SP7: variants seen among roughly 807,000 people sequenced by gnomAD.
The protein encoded by SP7 is Sp7 transcription factor, also known as transcription factor Sp7.
In SP7, 13 loss-of-function variants were observed where a neutral mutation model predicts 27.9. The observed-to-expected ratio is 0.47, with a 90% CI of 0.30 to 0.74. The LOEUF (loss-of-function observed/expected upper bound fraction) is 0.74, where lower values mean the gene tolerates loss of function less well. Among genes scored for constraint, SP7 ranks in the 30% least tolerant of loss-of-function variants. SP7 has a pLI of 0.06. For missense variants in SP7, 525 were observed against 558.0 expected (o/e 0.94, Z 0.60); for synonymous variants, 219 against 226.7 (o/e 0.97, Z 0.31).
At chr12:53,337,969 AAACAACAAC>A (rs572212743), upstream of SP7, among the ~76,000 whole-genome samples, 1 of 152,028 alleles carries the variant, frequency 6.6e-6, no homozygotes, top group Admixed American at 6.6e-5. Flanking sequence ...GTGTGGCTTT[AAACAACAAC>A]AACAACAACA....
chr12:53,335,700 CGGGGGGTGG>C lies in SP7; in HGVS notation c.-47-16_-47-8del. ...GCCAGGCAGATGGAGAGAGCTGAGC[CGGGGGGTGG>C]GGGGGGTAGAGAGAGAAAAGGGAGA... On this transcript the variant is annotated splice_polypyrimidine_tract_variant and splice_region_variant and intron_variant, in intron 1 of 2. Transcript: ENST00000536324. 7.3e-4 allele frequency: 84 copies of C among 115,156 alleles called. No homozygotes were observed. The highest frequency in any genetic ancestry group is 1.1e-3 in the African/African-American group (4 of 3,718). The allele number at this position is 115,156 out of a possible 1,614,324, so 7.1% of individuals were successfully genotyped here.
chr12:53,328,722 T>A lies in SP7; in HGVS notation c.720A>T (p.Leu240=), dbSNP rs775975685. The A allele has an allele frequency of 2.5e-6, 4 of 1,606,486 alleles. No homozygotes were observed. The Admixed American group carries it at 6.7e-5, about 27-fold the overall frequency. ...KPKAVGNSGQ[L]EGSGGAKPPR... Reference sequence around the variant, plus strand: ...GGGGTTTGGCTCCACCACTCCCTTCTAGCTGCCCACTATTTCCCACTGCCT... The same window carrying A: ...GGGGTTTGGCTCCACCACTCCCTTCAAGCTGCCCACTATTTCCCACTGCCT... The change falls in exon 3 of 3, where the codon CTA becomes CTT. Residue 240 remains leucine (L), a synonymous_variant. Transcript: ENST00000536324. This position sits in a 1 kb window ranked among gnomAD's most constrained non-coding sequence, Gnocchi z 5.1.
chr12:53,338,106 C>CAGAGGAGGAGGAGGAGGA (rs767126357), upstream of SP7, among the ~76,000 whole-genome samples: 140 of 136,290 alleles, frequency 1.0e-3, no homozygotes, highest in Non-Finnish European at 1.6e-3. Flanking sequence ...TAGCCAGGTC[C>CAGAGGAGGAGGAGGAGGA]GGAGGAGGAG....
chr12:53,331,005 G>A (rs531091909), intron 2 of SP7, among the ~76,000 whole-genome samples: 1 of 152,290 alleles, frequency 6.6e-6, no homozygotes, highest in East Asian at 1.9e-4. Context: ...CCTTTGAGAG[G>A]GCTGTAAGAG....
chr12:53,337,674 C>T (rs1479024955), upstream of SP7, among the ~76,000 whole-genome samples: 1 of 152,134 alleles, frequency 6.6e-6, no homozygotes, highest in African/African-American at 2.4e-5. Context: ...TGGGAGGTGG[C>T]AGGAGCAGAT....
rs1944843892 is a variant in SP7 at position 53,344,094 on chromosome 12, A to T, written c.-34+1020T>A. On this transcript the variant is annotated intron_variant, in intron 1 of 1. Transcript: ENST00000547755. The surrounding 1 kb of genome is among the most constrained non-coding windows in gnomAD (Gnocchi z 4.6). ...ATAAGTCAATGAAGGGGTGATATTG[A>T]GGATGTGAGGTGGAGAGGATTTGGT... 6.6e-6 allele frequency among the ~76,000 whole-genome samples: 1 copy of T among 152,070 alleles called. No individual in the cohort carries two copies. The highest frequency in any genetic ancestry group is 2.4e-5 in the African/African-American group (1 of 41,398).
At chr12:53,334,883 G>A (rs963690221) in intron 2 of SP7, among the ~76,000 whole-genome samples, 20 of 152,260 alleles carry the variant, frequency 1.3e-4, no homozygotes, top group African/African-American at 4.8e-4. Flanking sequence ...GCCCGGAGGG[G>A]AAGTGGCCCA....
intron 2 of SP7, among the ~76,000 whole-genome samples, chr12:53,330,026 G>A (rs541889719): frequency 2.8e-3 from 429 of 151,824 alleles, no homozygotes; most frequent in Admixed American, 6.6e-3. Context: ...GAGCCACTGC[G>A]CCCGGCCTTT....
intron 2 of SP7, among the ~76,000 whole-genome samples, chr12:53,334,851 G>C (rs900965435): frequency 6.6e-6 from 1 of 152,260 alleles, no homozygotes; most frequent in African/African-American, 2.4e-5. Flanking sequence ...CAGCACCAGA[G>C]GCAAGGGATG....
At position 53,328,199 on chromosome 12, in the gene SP7, G is replaced by C; in HGVS notation, c.1243C>G (p.Pro415Ala). Residue 415 changes from proline (P) to alanine (A), a missense_variant, in exon 3 of 3, where the codon CCA becomes GCA. Physicochemically the swap from Pro to Ala is conservative, Grantham distance 27 (BLOSUM62 -1). Transcript: ENST00000536324. The surrounding 1 kb of genome is among the most constrained non-coding windows in gnomAD (Gnocchi z 5.1). ...TPRPSASPATPEKAPGGSPEQ... is the reference protein window; with the variant it reads ...TPRPSASPATAEKAPGGSPEQ... ...GGGCTGCCTCCAGGGGCTTTCTCTG[G>C]GGTTGCTGGCGAGGCAGAAGGTCGG... The C allele has an allele frequency of 6.2e-7, 1 of 1,613,250 alleles. No homozygotes were observed.
intron 1 of SP7, among the ~76,000 whole-genome samples, chr12:53,343,923 C>T (rs1376915018): frequency 2.6e-5 from 4 of 152,088 alleles, no homozygotes; most frequent in South Asian, 2.1e-4. Context: ...TGGCACATGC[C>T]TGTAATCCCA....
rs546981961 is a variant in SP7, at chr12:53,329,305, TTC to T, written c.135_136del (p.Lys46AlafsTer7). Reference sequence around the variant, plus strand: ...AAGGTCACTGCCCACAGAGTACGGCTTCTTTGTGCCTGCTTTGCCCAGAGTTG... The same window carrying T: ...AAGGTCACTGCCCACAGAGTACGGCTTTTGTGCCTGCTTTGCCCAGAGTTG... On this transcript the variant is annotated frameshift_variant, in exon 3 of 3. Transcript: ENST00000536324. LOFTEE classifies it high-confidence loss of function. 8.1e-5 allele frequency: 130 copies of T among 1,613,960 alleles called. No homozygotes were observed. The highest frequency in any genetic ancestry group is 8.8e-5 in the Non-Finnish European group (104 of 1,179,880).
At chr12:53,340,153 A>T (rs894265105), upstream of SP7, among the ~76,000 whole-genome samples, 1 of 152,098 alleles carries the variant, frequency 6.6e-6, no homozygotes, top group Non-Finnish European at 1.5e-5. Context: ...ATAAAAATGC[A>T]CACACCAGTA....
rs77121517 is a variant in SP7, at chr12:53,328,049, G to A, written c.*97C>T. On this transcript the variant is annotated 3_prime_UTR_variant, in exon 3 of 3. Transcript: ENST00000536324. This position sits in a 1 kb window ranked among gnomAD's most constrained non-coding sequence, Gnocchi z 5.1. ...CAGAGGGAGAGAGCCCCGAAGGATG[G>A]CATGCATGGGGTAAAGAGAGTGATT... 336 of 1,263,996 alleles carry A rather than the reference G, an allele frequency of 2.7e-4. No homozygotes were observed. In the African/African-American group the frequency reaches 4.6e-3, roughly 17 times the overall value. The allele number at this position is 1,263,996 out of a possible 1,614,324, so 78.3% of individuals were successfully genotyped here. A position where few individuals can be genotyped will look rare whatever the true frequency, so the allele number is the denominator to read the frequency against.
chr12:53,342,028 A>G (rs555993569), intron 1 of SP7, among the ~76,000 whole-genome samples: 22 of 151,336 alleles, frequency 1.5e-4, no homozygotes, highest in African/African-American at 4.6e-4. Context: ...ACTGCACCCC[A>G]GCCTGGGCGA....
In SP7 at chr12:53,329,188, G is replaced by C; in HGVS notation, c.254C>G (p.Thr85Ser). ...AGGGTAATCATTAGCATAGCCTGAG[G>C]TGGGTGCTGGAGGACTGCCTGCAGG... ...LSPAGSPPAP[T>S]SGYANDYPPF... The change falls in exon 3 of 3, where the codon ACC becomes AGC. Residue 85 changes from threonine (T) to serine (S), a missense_variant. Thr to Ser is a moderately conservative substitution (Grantham distance 58). Coordinates refer to ENST00000536324, the MANE Select transcript of SP7 (RefSeq NM_001173467.3). 6.2e-7 allele frequency: 1 copy of C among 1,613,872 alleles called. No homozygotes were observed. Among genetic ancestry groups the C allele is most frequent in the South Asian group, 1.1e-5 (1 of 91,080 alleles).
In SP7 at chr12:53,328,031, A is replaced by C. The variant is rs961309369; in HGVS notation, c.*115T>G. On this transcript the variant is annotated 3_prime_UTR_variant, in exon 3 of 3. Coordinates refer to ENST00000536324, the MANE Select transcript of SP7 (RefSeq NM_001173467.3). This position sits in a 1 kb window ranked among gnomAD's most constrained non-coding sequence, Gnocchi z 5.1. The stretch of plus-strand genomic sequence containing the variant: ...GAATGGCCAGGAGGGAGACAGAGGG[A>C]GAGAGCCCCGAAGGATGGCATGCAT... 13 of 1,103,170 alleles carry C rather than the reference A, an allele frequency of 1.2e-5. No homozygotes were observed. The highest frequency in any genetic ancestry group is 1.6e-5 in the Non-Finnish European group (13 of 793,150). The allele number at this position is 1,103,170 out of a possible 1,614,324, so 68.3% of individuals were successfully genotyped here.
At chr12:53,330,465 C>A (rs2136838672) in intron 2 of SP7, among the ~76,000 whole-genome samples, 1 of 152,274 alleles carries the variant, frequency 6.6e-6, no homozygotes, top group East Asian at 1.9e-4. Context: ...TCCAAGCGAT[C>A]CTCCACCCTC....
chr12:53,330,359 A>G (rs1944690767), intron 2 of SP7, among the ~76,000 whole-genome samples: 1 of 152,134 alleles, frequency 6.6e-6, no homozygotes, highest in Admixed American at 6.5e-5. Flanking sequence ...AGCCAAAAAA[A>G]TATTTTTAGA....
Sources: allele counts gnomAD v4.1 joint callset (sites outside exome capture counted in the v4.1 genomes callset), GRCh38; gene constraint gnomAD v4.1.1; non-coding constraint Gnocchi (gnomAD v3.1); transcripts MANE v1.5; gene names NCBI Gene and HGNC (gene_info 2026-07-23, HGNC 2026-07-21).